Variants in ADGRB3 observed in about 807,000 individuals in gnomAD.
ADGRB3 encodes the protein adhesion G protein-coupled receptor B3.
A neutral mutation model predicts 193.4 loss-of-function variants in ADGRB3; 37 were observed. The observed-to-expected ratio is 0.19, with a 90% CI of 0.15 to 0.25. The LOEUF (loss-of-function observed/expected upper bound fraction) is 0.25. Among genes scored for constraint, ADGRB3 ranks in the 10% least tolerant of loss-of-function variants. The probability of loss-of-function intolerance (pLI) is 1.00; values close to 1 mark genes in which losing one functional copy is unlikely to be tolerated. For synonymous variants in ADGRB3, 690 were observed against 644.2 expected (o/e 1.07, Z -1.08); for missense variants, 1,637 against 1,852.9 (o/e 0.88, Z 2.14).
At chr6:68,834,461 C>G (rs1049706131) in intron 3 of ADGRB3, among the ~76,000 whole-genome samples, 1 of 151,972 alleles carries the variant, frequency 6.6e-6, no homozygotes, top group Admixed American at 6.6e-5. Flanking sequence ...ATATAATTTT[C>G]TATAAAAAAT....
intron 3 of ADGRB3, among the ~76,000 whole-genome samples, chr6:68,653,789 A>G (rs1411456877): frequency 1.3e-5 from 2 of 151,900 alleles, no homozygotes; most frequent in Non-Finnish European, 2.9e-5. Context: ...GCTGAAAGGT[A>G]AGAACTTGTC....
intron 6 of ADGRB3, among the ~76,000 whole-genome samples, chr6:68,946,275 G>A (rs1029321672): frequency 6.6e-6 from 1 of 152,012 alleles, no homozygotes; most frequent in Non-Finnish European, 1.5e-5. Context: ...GGAAACATTT[G>A]AAATTCTCTT....
At chr6:69,384,357 G>C (rs1384860452) in intron 31 of ADGRB3, among the ~76,000 whole-genome samples, 1 of 151,914 alleles carries the variant, frequency 6.6e-6, no homozygotes, top group Non-Finnish European at 1.5e-5. Flanking sequence ...CTGATAGAAG[G>C]CTATCAATTT....
intron 20 of ADGRB3, among the ~76,000 whole-genome samples, chr6:69,292,463 G>A (rs942204431): frequency 5.3e-5 from 8 of 152,204 alleles, no homozygotes; most frequent in African/African-American, 1.9e-4. Flanking sequence ...GTAGCACTCA[G>A]CAGAATGCAT....
In ADGRB3 at chr6:69,342,160, G is replaced by T. The variant is rs866842464; in HGVS notation, c.3459+2656G>T. On this transcript the variant is annotated intron_variant, in intron 26 of 31. Transcript: ENST00000370598. Reference sequence around the variant, plus strand: ...TAATTAAATCAATCATATAATAAATGCTTCTGCTAAAGTAGGTGTCTCTAA... The same window carrying T: ...TAATTAAATCAATCATATAATAAATTCTTCTGCTAAAGTAGGTGTCTCTAA... Among the ~76,000 whole-genome samples the T allele has an allele frequency of 4.6e-5, 7 of 152,026 alleles. No individual in the cohort carries two copies. The South Asian group carries it at 8.3e-4, about 18-fold the overall frequency.
chr6:69,197,249 C>A (rs1765320176), intron 17 of ADGRB3, among the ~76,000 whole-genome samples: 1 of 151,982 alleles, frequency 6.6e-6, no homozygotes, highest in African/African-American at 2.4e-5. Flanking sequence ...AGTTTATTTA[C>A]CATTTTCTCA....
At chr6:68,948,659 A>G (rs1369173863) in intron 6 of ADGRB3, among the ~76,000 whole-genome samples, 1 of 152,112 alleles carries the variant, frequency 6.6e-6, no homozygotes, top group African/African-American at 2.4e-5. Context: ...TAGAGGAGCT[A>G]ATGATTTAAG....
At chr6:69,094,216 T>C (rs1772799800) in intron 17 of ADGRB3, among the ~76,000 whole-genome samples, 1 of 152,166 alleles carries the variant, frequency 6.6e-6, no homozygotes, top group Non-Finnish European at 1.5e-5. Flanking sequence ...GTAGGTCTGA[T>C]CAGAGGGTCT....
At chr6:68,737,839 C>T (rs1307432020) in intron 3 of ADGRB3, among the ~76,000 whole-genome samples, 1 of 152,160 alleles carries the variant, frequency 6.6e-6, no homozygotes, top group Admixed American at 6.6e-5. Context: ...GGTACTACTT[C>T]AGGGCCTAAG....
chr6:69,111,974 A>C (rs1176040965), intron 17 of ADGRB3, among the ~76,000 whole-genome samples: 3 of 152,258 alleles, frequency 2.0e-5, no homozygotes, highest in East Asian at 3.8e-4. Context: ...TTGCATGGGC[A>C]GGAACTGTTT....
At chr6:68,994,169 C>G (rs756623853) in intron 11 of ADGRB3, among the ~76,000 whole-genome samples, 1 of 152,100 alleles carries the variant, frequency 6.6e-6, no homozygotes, top group South Asian at 2.1e-4. Context: ...ATATATTACA[C>G]CTCAAGGAGA....
At chr6:68,764,087 T>G (rs1008713372) in intron 3 of ADGRB3, among the ~76,000 whole-genome samples, 1 of 152,064 alleles carries the variant, frequency 6.6e-6, no homozygotes, top group African/African-American at 2.4e-5. Context: ...CATACATAAA[T>G]AAATAAAATT....
At chr6:68,975,881 C>T (rs1421791222) in intron 10 of ADGRB3, among the ~76,000 whole-genome samples, 1 of 152,104 alleles carries the variant, frequency 6.6e-6, no homozygotes, top group Non-Finnish European at 1.5e-5. Context: ...TCTTCTTTTC[C>T]CACATATCAT....
chr6:68,785,931 G>A (rs1766958716), intron 3 of ADGRB3, among the ~76,000 whole-genome samples: 1 of 151,944 alleles, frequency 6.6e-6, no homozygotes, highest in African/African-American at 2.4e-5. Flanking sequence ...TTTTTCATGT[G>A]TTTTTTGGCT....
intron 20 of ADGRB3, among the ~76,000 whole-genome samples, chr6:69,294,254 T>C (rs1767760627): frequency 6.6e-6 from 1 of 152,080 alleles, no homozygotes; most frequent in South Asian, 2.1e-4. Flanking sequence ...CTAAAGAGAA[T>C]AAGCTCTATT....
chr6:68,683,988 T>G (rs1764941255), intron 3 of ADGRB3, among the ~76,000 whole-genome samples: 2 of 152,040 alleles, frequency 1.3e-5, no homozygotes, highest in African/African-American at 4.8e-5. Context: ...CCTCATGACT[T>G]CTGTCATTTA....
At chr6:68,940,664 C>T (rs1343353076) in intron 5 of ADGRB3, among the ~76,000 whole-genome samples, 25 of 145,492 alleles carry the variant, frequency 1.7e-4, no homozygotes, top group Non-Finnish European at 1.0e-4. Context: ...CTTTGGGAGG[C>T]GGAGGCAGGA....
chr6:69,293,895 A>C (rs573839653), intron 20 of ADGRB3, among the ~76,000 whole-genome samples: 1 of 151,568 alleles, frequency 6.6e-6, no homozygotes, highest in Admixed American at 6.6e-5. Flanking sequence ...GAAAGAACAT[A>C]GACAGGAAGG....
chr6:68,939,239 G>T (rs958652926), intron 5 of ADGRB3, among the ~76,000 whole-genome samples: 3 of 152,082 alleles, frequency 2.0e-5, no homozygotes, highest in Admixed American at 2.0e-4. Flanking sequence ...CCCCATTTAT[G>T]CCTGAGGTAG....
Sources: gnomAD v4.1 joint callset for allele counts (sites outside exome capture counted in the v4.1 genomes callset) on GRCh38, gnomAD v4.1.1 for gene constraint, MANE v1.5 for transcripts, NCBI Gene and HGNC (gene_info 2026-07-23, HGNC 2026-07-21) for gene names.